The following LRRC4C variants were observed in gnomAD, a reference collection of about 807,000 sequenced individuals.
LRRC4C encodes the protein leucine rich repeat containing 4C.
LRRC4C carries 5 observed loss-of-function variants against 33.6 expected under a neutral mutation model. That is an observed-to-expected ratio of 0.15 (90% CI 0.08 to 0.31). The LOEUF (loss-of-function observed/expected upper bound fraction) is 0.31, where lower values mean the gene tolerates loss of function less well. Ranked by LOEUF, LRRC4C falls within the 10% of genes least tolerant of loss-of-function variation. The probability of loss-of-function intolerance (pLI) is 1.00; values close to 1 mark genes in which losing one functional copy is unlikely to be tolerated. For synonymous variants in LRRC4C, 329 were observed against 302.0 expected (o/e 1.09, Z -0.93); for missense variants, 560 against 796.7 (o/e 0.70, Z 3.58).
intron 1 of LRRC4C, among the ~76,000 whole-genome samples, chr11:41,029,500 T>C (rs1856585173): frequency 6.6e-6 from 1 of 151,820 alleles, no homozygotes. Flanking sequence ...GACTATGTGT[T>C]CAATTCAATT....
In LRRC4C at chr11:41,187,786, TG is replaced by T. The variant is rs1406070491; in HGVS notation, c.-495-254064del. On this transcript the variant is annotated intron_variant, in intron 1 of 6. Coordinates refer to ENST00000528697, the MANE Select transcript of LRRC4C (RefSeq NM_001258419.2). ...GAGCATTCACCCCTAGACGCTGCCG[TG>T]GGGCCGGAGCACCACAACCTGCCCA... 2.6e-5 allele frequency among the ~76,000 whole-genome samples: 4 copies of T among 152,292 alleles called. No homozygotes were observed. In the East Asian group the frequency reaches 7.8e-4, roughly 30 times the overall value.
At chr11:40,392,286 G>A (rs1949367668) in intron 3 of LRRC4C, among the ~76,000 whole-genome samples, 1 of 152,104 alleles carries the variant, frequency 6.6e-6, no homozygotes, top group African/African-American at 2.4e-5. Flanking sequence ...ACAACACAGA[G>A]TCAGCCCTAG....
intron 2 of LRRC4C, among the ~76,000 whole-genome samples, chr11:40,817,624 C>T (rs553155164): frequency 6.6e-6 from 1 of 152,208 alleles, no homozygotes; most frequent in African/African-American, 2.4e-5. Flanking sequence ...GCTCTCTTTT[C>T]CTAAACGAAT....
intron 3 of LRRC4C, among the ~76,000 whole-genome samples, chr11:40,478,333 G>A (rs1316544886): frequency 6.6e-6 from 1 of 152,156 alleles, no homozygotes; most frequent in East Asian, 1.9e-4. Context: ...TTTTAATGAA[G>A]GAAAGTTATC....
At chr11:41,251,187 A>G (rs1021104659) in intron 1 of LRRC4C, among the ~76,000 whole-genome samples, 5 of 152,210 alleles carry the variant, frequency 3.3e-5, no homozygotes, top group Non-Finnish European at 5.9e-5. Flanking sequence ...CCACCTTCAT[A>G]TTTAAAATGT....
chr11:40,649,507 C>T (rs765806066), intron 2 of LRRC4C, among the ~76,000 whole-genome samples: 3 of 152,138 alleles, frequency 2.0e-5, no homozygotes, highest in Non-Finnish European at 4.4e-5. Flanking sequence ...AAATCACTGT[C>T]ATTCTGTTCT....
chr11:40,354,131 T>A (rs1218069453), intron 3 of LRRC4C, among the ~76,000 whole-genome samples: 1 of 152,208 alleles, frequency 6.6e-6, no homozygotes, highest in Admixed American at 6.5e-5. Flanking sequence ...ACCATATTGG[T>A]CATCTTCAAT....
At chr11:40,571,774 T>G (rs1957993407) in intron 3 of LRRC4C, among the ~76,000 whole-genome samples, 1 of 152,130 alleles carries the variant, frequency 6.6e-6, no homozygotes, top group Admixed American at 6.6e-5. Flanking sequence ...AGCCTTCAGG[T>G]TTTATTGGCA....
At chr11:40,777,162 G>A (rs544595989) in intron 2 of LRRC4C, among the ~76,000 whole-genome samples, 7 of 152,290 alleles carry the variant, frequency 4.6e-5, no homozygotes, top group Admixed American at 4.6e-4. Context: ...CAATCTTAGA[G>A]TATGTTCCAT....
chr11:41,308,890 C>T (rs1254501555), intron 1 of LRRC4C, among the ~76,000 whole-genome samples: 1 of 152,020 alleles, frequency 6.6e-6, no homozygotes, highest in African/African-American at 2.4e-5. Context: ...CTGCAACCCC[C>T]ACCTCCCGGT....
At chr11:40,467,162 G>A (rs550060021) in intron 3 of LRRC4C, among the ~76,000 whole-genome samples, 7 of 152,212 alleles carry the variant, frequency 4.6e-5, no homozygotes, top group Admixed American at 3.3e-4. Context: ...CCTCAGTGAA[G>A]GTGAGTTGAG....
Position 41,342,399 on chromosome 11 carries a change from C to A in LRRC4C, c.-496+117032G>T, listed in dbSNP as rs562198511. Among the ~76,000 whole-genome samples the A allele has an allele frequency of 2.6e-5, 4 of 152,226 alleles. No homozygotes were observed. The South Asian group carries it at 8.3e-4, about 32-fold the overall frequency. On this transcript the variant is annotated intron_variant, in intron 1 of 6. Transcript: ENST00000528697. ...TCTTCCTGGAATTATTTAGAAATGA[C>A]CCTCAACTAAAGTTAAATCAAAAAC...
At chr11:40,615,265 T>C (rs11035958) in intron 3 of LRRC4C, among the ~76,000 whole-genome samples, 769 of 53,382 alleles carry the variant, frequency 0.014, 5 homozygotes, top group Non-Finnish European at 0.026. Flanking sequence ...TATATATATA[T>C]ACACACACAC....
At chr11:40,227,754 T>C (rs1325788501) in intron 5 of LRRC4C, among the ~76,000 whole-genome samples, 2 of 152,110 alleles carry the variant, frequency 1.3e-5, no homozygotes, top group Admixed American at 6.5e-5. Flanking sequence ...AAAAGTACCA[T>C]AGAAAATCAC....
chr11:40,543,554 A>C (rs955172055), intron 3 of LRRC4C, among the ~76,000 whole-genome samples: 12 of 152,236 alleles, frequency 7.9e-5, no homozygotes, highest in Non-Finnish European at 1.5e-4. Flanking sequence ...GAGCCTGAAT[A>C]AAGGGGGTCG....
At chr11:40,701,148 G>C (rs1316451295) in intron 2 of LRRC4C, among the ~76,000 whole-genome samples, 6 of 152,116 alleles carry the variant, frequency 3.9e-5, no homozygotes, top group Admixed American at 3.9e-4. Context: ...TAATCAAAAA[G>C]ATCTCAATTG....
intron 3 of LRRC4C, among the ~76,000 whole-genome samples, chr11:40,471,040 C>CA (rs577137476): frequency 5.3e-4 from 80 of 152,082 alleles, no homozygotes; most frequent in Non-Finnish European, 9.8e-4. Context: ...GAGAACACCA[C>CA]AAAGGTACTC....
At chr11:41,250,001 T>TA (rs35746877) in intron 1 of LRRC4C, among the ~76,000 whole-genome samples, 62,403 of 147,910 alleles carry the variant, frequency 0.42, 14,114 homozygotes, top group Non-Finnish European at 0.53. Context: ...CCATCTCTAC[T>TA]AAAAAAAAAA....
chr11:40,324,724 A>T (rs74995178), intron 3 of LRRC4C, among the ~76,000 whole-genome samples: 1,965 of 152,330 alleles, frequency 0.013, 38 homozygotes, highest in African/African-American at 0.044. Flanking sequence ...AAGTAAATAC[A>T]AATATTTACA....
Sources: allele counts gnomAD v4.1 joint callset (sites outside exome capture counted in the v4.1 genomes callset), GRCh38; gene constraint gnomAD v4.1.1; transcripts MANE v1.5; gene names NCBI Gene and HGNC (gene_info 2026-07-23, HGNC 2026-07-21).